The following ATP8B4 variants were observed in gnomAD, a reference collection of about 807,000 sequenced individuals.
ATP8B4 encodes ATPase phospholipid transporting 8B4 (putative), also known as probable phospholipid-transporting ATPase IM.
A neutral mutation model predicts 145.6 loss-of-function variants in ATP8B4; 133 were observed. The ratio of observed to expected loss-of-function variants is 0.91; its 90% CI spans 0.79 to 1.05. The LOEUF is 1.05. Ranked by LOEUF, ATP8B4 falls within the 50% of genes least tolerant of loss-of-function variation. The pLI is 0.00. For synonymous variants in ATP8B4, 507 were observed against 492.9 expected, an observed-to-expected ratio of 1.03 and a Z score of -0.38; for missense variants, 1,458 against 1,425.2, an observed-to-expected ratio of 1.02 and a Z score of -0.37.
chr15:49,968,283 C>G (rs752710965), intron 13 of ATP8B4, among the ~76,000 whole-genome samples: 2 of 152,156 alleles, frequency 1.3e-5, no homozygotes, highest in Non-Finnish European at 2.9e-5. Context: ...CAATATTAAC[C>G]TTAAATGTAA....
chr15:49,881,071 C>A (rs1335462884), intron 23 of ATP8B4, among the ~76,000 whole-genome samples: 3 of 152,092 alleles, frequency 2.0e-5, no homozygotes, highest in Non-Finnish European at 4.4e-5. Flanking sequence ...AAGATCACGC[C>A]ACTGCACTCC....
At chr15:50,047,792 G>A (rs1364445851) in intron 3 of ATP8B4, among the ~76,000 whole-genome samples, 1 of 152,124 alleles carries the variant, frequency 6.6e-6, no homozygotes, top group East Asian at 1.9e-4. Flanking sequence ...GTTCCTGTTG[G>A]AGCCCGCAAG....
At chr15:50,003,872 C>T (rs1396416045) in intron 7 of ATP8B4, among the ~76,000 whole-genome samples, 1 of 152,116 alleles carries the variant, frequency 6.6e-6, no homozygotes, top group Non-Finnish European at 1.5e-5. Context: ...GGAGTCCCTG[C>T]ACACAGCTGG....
At chr15:49,956,278 A>G (rs78657981) in intron 14 of ATP8B4, among the ~76,000 whole-genome samples, 2,723 of 152,280 alleles carry the variant, frequency 0.018, 88 homozygotes, top group African/African-American at 0.063. Context: ...ACTTATACAC[A>G]AGACACTCAG....
At chr15:50,047,292 T>C in intron 4 of ATP8B4, 59 bp downstream of exon 4, 1 of 1,100,912 alleles carries the variant, frequency 9.1e-7, no homozygotes, top group Non-Finnish European at 1.4e-6. Context: ...ACTTACTTTT[T>C]ACAATTTTAT....
intron 2 of ATP8B4, among the ~76,000 whole-genome samples, chr15:50,089,522 G>A (rs2055452909): frequency 1.3e-5 from 2 of 152,134 alleles, no homozygotes; most frequent in African/African-American, 2.4e-5. Context: ...ATGAAAAAAG[G>A]CTCAACATCA....
intron 15 of ATP8B4, among the ~76,000 whole-genome samples, chr15:49,933,024 T>C (rs35111547): frequency 0.22 from 33,446 of 151,996 alleles, 4,859 homozygotes; most frequent in Non-Finnish European, 0.31. Context: ...GAAACTTTAG[T>C]TTAAAATGTT....
chr15:50,163,236 C>T (rs1438739003), intron 1 of ATP8B4, among the ~76,000 whole-genome samples: 1 of 152,158 alleles, frequency 6.6e-6, no homozygotes, highest in Admixed American at 6.5e-5. Flanking sequence ...TCTTCATGGC[C>T]TGGATTTGTT....
chr15:50,006,605 G>T (rs1234735631), intron 7 of ATP8B4, among the ~76,000 whole-genome samples: 1 of 151,294 alleles, frequency 6.6e-6, no homozygotes, highest in Middle Eastern at 3.4e-3. Context: ...CCCCAGTCAC[G>T]CCTGGAGTTT....
chr15:50,156,163 C>CTCGTT (rs1194656836), intron 1 of ATP8B4, among the ~76,000 whole-genome samples: 4 of 47,522 alleles, frequency 8.4e-5, no homozygotes, highest in African/African-American at 2.3e-4. Context: ...TATTTGTTTG[C>CTCGTT]TGGTTTAACT....
At chr15:50,099,521 T>G (rs914470696) in intron 2 of ATP8B4, among the ~76,000 whole-genome samples, 1 of 152,112 alleles carries the variant, frequency 6.6e-6, no homozygotes, top group Non-Finnish European at 1.5e-5. Flanking sequence ...CCTCAAGCGA[T>G]CCTCCTACCT....
At chr15:49,902,273 C>G (rs566478797) in intron 20 of ATP8B4, 82 of 152,112 alleles carry the variant, frequency 5.4e-4, no homozygotes, top group African/African-American at 1.9e-3. Context: ...TGTCTTTTGG[C>G]GAAATGAAAT....
chr15:49,908,416 A>G (rs1478774242), intron 20 of ATP8B4, among the ~76,000 whole-genome samples: 1 of 152,192 alleles, frequency 6.6e-6, no homozygotes, highest in Non-Finnish European at 1.5e-5. Flanking sequence ...AAGAAGAGGG[A>G]AACAAGGCAT....
chr15:50,054,926 G>C (rs990142200), intron 3 of ATP8B4, among the ~76,000 whole-genome samples: 3 of 149,844 alleles, frequency 2.0e-5, no homozygotes, highest in African/African-American at 7.4e-5. Flanking sequence ...AAATTCCTTA[G>C]TTTCACGAAC....
In ATP8B4 at chr15:50,074,294, C is replaced by A. The variant is rs866028976; in HGVS notation, c.29-109G>T. On this transcript the variant is annotated intron_variant, in intron 2 of 27. Coordinates refer to ENST00000284509, the MANE Select transcript of ATP8B4 (RefSeq NM_024837.4). ...CTTTGTTGTTAAGGCTGCAAGAATT[C>A]TTTTCTTTCAAATTTGAAGGTATTG... 20 of 932,268 alleles carry A rather than the reference C, an allele frequency of 2.1e-5. No individual in the cohort carries two copies. In the Middle Eastern group the frequency reaches 2.5e-3, roughly 115 times the overall value. The allele number at this position is 932,268 out of a possible 1,614,324, so 57.7% of individuals were successfully genotyped here.
At chr15:49,972,072 T>C (rs1328215708) in intron 13 of ATP8B4, among the ~76,000 whole-genome samples, 1 of 151,776 alleles carries the variant, frequency 6.6e-6, no homozygotes, top group Non-Finnish European at 1.5e-5. Context: ...AACTGAACAA[T>C]GAGAACACAT....
intron 13 of ATP8B4, among the ~76,000 whole-genome samples, chr15:49,965,250 G>A (rs1354701152): frequency 6.6e-6 from 1 of 152,190 alleles, no homozygotes; most frequent in East Asian, 1.9e-4. Flanking sequence ...TCAAAAAGTA[G>A]GAGATTGCAA....
At chr15:49,921,682 G>A (rs546211815) in intron 17 of ATP8B4, among the ~76,000 whole-genome samples, 6 of 152,318 alleles carry the variant, frequency 3.9e-5, no homozygotes, top group South Asian at 2.1e-4. Flanking sequence ...ATAATCAGGC[G>A]TAGGTTAAAC....
intron 20 of ATP8B4, among the ~76,000 whole-genome samples, chr15:49,912,886 G>C (rs536511696): frequency 1.3e-5 from 2 of 152,118 alleles, no homozygotes; most frequent in East Asian, 3.9e-4. Flanking sequence ...ATCCTCCTGT[G>C]GGAAGCGGAG....
Sources: allele counts gnomAD v4.1 joint callset (sites outside exome capture counted in the v4.1 genomes callset), GRCh38; gene constraint gnomAD v4.1.1; transcripts MANE v1.5; gene names NCBI Gene and HGNC (gene_info 2026-07-23, HGNC 2026-07-21).